The following KLF6 variants were observed in gnomAD, a reference collection of about 807,000 sequenced individuals.
KLF6 encodes Krueppel-like factor 6.
For synonymous variants in KLF6, 152 were observed against 147.9 expected, an observed-to-expected ratio of 1.03 and a Z score of -0.20; for missense variants, 233 against 359.8, an observed-to-expected ratio of 0.65 and a Z score of 2.85.
At chr10:3,784,152 G>A (rs1467019032) in intron 1 of KLF6, among the ~76,000 whole-genome samples, 1 of 152,258 alleles carries the variant, frequency 6.6e-6, no homozygotes, top group Non-Finnish European at 1.5e-5. Flanking sequence ...TGGGAGGAGT[G>A]TCAGTCTCTC....
chr10:3,784,050 T>C (rs148266884), intron 1 of KLF6, among the ~76,000 whole-genome samples: 1 of 152,312 alleles, frequency 6.6e-6, no homozygotes, highest in African/African-American at 2.4e-5. Context: ...CAGCCTCTAT[T>C]TGATCTGGCA....
Position 3,781,524 on chromosome 10 carries a change from T to C in KLF6, c.676+117A>G. On this transcript the variant is annotated intron_variant, in intron 2 of 3. Coordinates refer to ENST00000497571, the MANE Select transcript of KLF6 (RefSeq NM_001300.6). The surrounding 1 kb of genome is among the most constrained non-coding windows in gnomAD (Gnocchi z 5.8). ...CTTTGGTGGAAAACATCTGAGGAAG[T>C]GAGGATTTGTCTGCCCTGACCACAT... is the stretch of plus-strand genomic sequence containing the variant. The C allele has an allele frequency of 1.9e-6, 3 of 1,555,878 alleles. No homozygotes were observed. The highest frequency in any genetic ancestry group is 2.6e-6 in the Non-Finnish European group (3 of 1,149,622).
rs2131090397 is a variant in KLF6, at chr10:3,776,974, A to T, written c.*2565T>A. ...TTTTGCTTACCTTCTTGCTTAATGGAATTGTTATGGCTAAGCACATAGAAG... is the reference window on the plus strand; with the variant it reads ...TTTTGCTTACCTTCTTGCTTAATGGTATTGTTATGGCTAAGCACATAGAAG... On this transcript the variant is annotated 3_prime_UTR_variant, in exon 4 of 4. Coordinates refer to ENST00000497571, the MANE Select transcript of KLF6 (RefSeq NM_001300.6). 2.0e-6 allele frequency: 1 copy of T among 512,338 alleles called. No homozygotes were observed. The highest frequency in any genetic ancestry group is 1.6e-5 in the South Asian group (1 of 64,472). The allele number at this position is 512,338 out of a possible 1,614,324, so 31.7% of individuals were successfully genotyped here.
At position 3,777,908 on chromosome 10, in the gene KLF6, C is replaced by T. The variant is rs1406168206; in HGVS notation, c.*1631G>A. ...GAAACTTGTGCCTTTTAAGCAAATA[C>T]ATTAACATTGGGGGTTTTTTAATAC... On this transcript the variant is annotated 3_prime_UTR_variant, in exon 4 of 4. Transcript: ENST00000497571. 2.0e-6 allele frequency: 1 copy of T among 492,542 alleles called. No individual in the cohort carries two copies. The highest frequency in any genetic ancestry group is 4.0e-6 in the Non-Finnish European group (1 of 250,756). The allele number at this position is 492,542 out of a possible 1,614,324, so 30.5% of individuals were successfully genotyped here.
rs1564296185 is a variant in KLF6, at chr10:3,782,044, G to C, written c.273C>G (p.Ile91Met). Residue 91 changes from isoleucine to methionine, a missense_variant, in exon 2 of 4, where the codon ATC becomes ATG. Transcript: ENST00000497571. The surrounding 1 kb of genome is among the most constrained non-coding windows in gnomAD (Gnocchi z 4.3). ...ISSSPPEDTL[I>M]SPSFCYNLET... ...CTAAGTTGTAACAAAAGCTCGGGCT[G>C]ATGAGAGTGTCCTCTGGAGGACTGG... The C allele has an allele frequency of 6.2e-7, 1 of 1,614,222 alleles. No homozygotes were observed. Among genetic ancestry groups the C allele is most frequent in the East Asian group, 2.2e-5 (1 of 44,888 alleles).
In KLF6 at chr10:3,781,564, C is replaced by A. The variant is rs1832519271; in HGVS notation, c.676+77G>T. On this transcript the variant is annotated intron_variant, in intron 2 of 3. Transcript: ENST00000497571. This position sits in a 1 kb window ranked among gnomAD's most constrained non-coding sequence, Gnocchi z 5.8. ...CCTGACCACATCCTGTGCAGCCAGG[C>A]CCGGCTCCCTCCAGGGCTGGTGCAA... The A allele has an allele frequency of 6.3e-7, 1 of 1,584,290 alleles. No individual in the cohort carries two copies.
chr10:3,777,510 G>T lies in KLF6; in HGVS notation c.*2029C>A, dbSNP rs981253560. 1.2e-5 allele frequency: 6 copies of T among 512,800 alleles called. No homozygotes were observed. Among genetic ancestry groups the T allele is most frequent in the Non-Finnish European group, 1.9e-5 (5 of 262,746 alleles). The allele number at this position is 512,800 out of a possible 1,614,324, so 31.8% of individuals were successfully genotyped here. A position where few individuals can be genotyped will look rare whatever the true frequency, so the allele number is the denominator to read the frequency against. Reference sequence around the variant, plus strand: ...ATTCTGTTCAGGCCACTTCTGAACGGCCGAAGGTGCCCCATTCCAGACCTG... The same window carrying T: ...ATTCTGTTCAGGCCACTTCTGAACGTCCGAAGGTGCCCCATTCCAGACCTG... On this transcript the variant is annotated 3_prime_UTR_variant, in exon 4 of 4. Coordinates refer to ENST00000497571, the MANE Select transcript of KLF6 (RefSeq NM_001300.6).
chr10:3,779,275 T>C lies in KLF6; in HGVS notation c.*264A>G. ...CAACCATTAGCATTCTCAGTGTGCA[T>C]GCTCACGGCAAAGGCTTAGGCGCCG... On this transcript the variant is annotated 3_prime_UTR_variant, in exon 4 of 4. Transcript: ENST00000497571. The C allele has an allele frequency of 1.6e-6, 1 of 632,648 alleles. No individual in the cohort carries two copies. The highest frequency in any genetic ancestry group is 2.9e-6 in the Non-Finnish European group (1 of 340,974). The allele number at this position is 632,648 out of a possible 1,614,324, so 39.2% of individuals were successfully genotyped here.
chr10:3,780,738 A>G lies in KLF6; in HGVS notation c.677-509T>C. 4.8e-6 allele frequency: 1 copy of G among 207,162 alleles called. No individual in the cohort carries two copies. The highest frequency in any genetic ancestry group is 8.0e-5 in the South Asian group (1 of 12,568). 12.8% of individuals were successfully genotyped at this position (207,162 alleles called of 1,614,324 possible). The stretch of plus-strand genomic sequence containing the variant: ...ACAGGGCCCCGGAATCATTCTCTAA[A>G]TGGCAATTGAACAACTGGGTTCACT... On this transcript the variant is annotated intron_variant, in intron 2 of 3. Coordinates refer to ENST00000497571, the MANE Select transcript of KLF6 (RefSeq NM_001300.6). The surrounding 1 kb of genome is among the most constrained non-coding windows in gnomAD (Gnocchi z 4.6).
rs1233299273 is a variant in KLF6, at chr10:3,776,375, C to T, written c.*3164G>A. 5 of 532,102 alleles carry T rather than the reference C, an allele frequency of 9.4e-6. No homozygotes were observed. The highest frequency in any genetic ancestry group is 1.8e-5 in the Non-Finnish European group (5 of 275,056). The allele number at this position is 532,102 out of a possible 1,614,324, so 33.0% of individuals were successfully genotyped here. A position where few individuals can be genotyped will look rare whatever the true frequency, so the allele number is the denominator to read the frequency against. Reference sequence around the variant, plus strand: ...TTCAGGGAGGGCAATGTCAGGCTCGCTGACATCCTCTCCAGCTCCCAGGAC... The same window carrying T: ...TTCAGGGAGGGCAATGTCAGGCTCGTTGACATCCTCTCCAGCTCCCAGGAC... On this transcript the variant is annotated 3_prime_UTR_variant, in exon 4 of 4. Coordinates refer to ENST00000497571, the MANE Select transcript of KLF6 (RefSeq NM_001300.6).
Position 3,777,723 on chromosome 10 carries a change from C to A in KLF6, c.*1816G>T. On this transcript the variant is annotated 3_prime_UTR_variant, in exon 4 of 4. Transcript: ENST00000497571. Reference sequence around the variant, plus strand: ...TTTCTAGCTAAACATTCTAGTTTCTCCTTAAAAAAAATATTTATATATTAT... The same window carrying A: ...TTTCTAGCTAAACATTCTAGTTTCTACTTAAAAAAAATATTTATATATTAT... The A allele has an allele frequency of 2.8e-6, 1 of 354,914 alleles. No homozygotes were observed. Among genetic ancestry groups the A allele is most frequent in the South Asian group, 2.6e-5 (1 of 38,654 alleles). The allele number at this position is 354,914 out of a possible 1,614,324, so 22.0% of individuals were successfully genotyped here. A position where few individuals can be genotyped will look rare whatever the true frequency, so the allele number is the denominator to read the frequency against.
Position 3,784,971 on chromosome 10 carries a change from A to G in KLF6, c.44T>C (p.Ile15Thr). The G allele has an allele frequency of 1.2e-6, 2 of 1,608,122 alleles. No homozygotes were observed. Among genetic ancestry groups the G allele is most frequent in the Non-Finnish European group, 8.5e-7 (1 of 1,176,154 alleles). The change falls in exon 1 of 4, where the codon ATC becomes ACC. Residue 15 changes from isoleucine to threonine, a missense_variant. By Grantham distance (89) the Ile-to-Thr change is moderately conservative. Coordinates refer to ENST00000497571, the MANE Select transcript of KLF6 (RefSeq NM_001300.6). ...PMCSIFQELQ[I>T]VHETGYFSAL... ...CGAGAAGTAGCCGGTCTCGTGCACG[A>G]TCTGGAGCTCCTGGAAGATGCTGCA...
rs780547330 is a variant in KLF6 at position 3,784,953 on chromosome 10, T to C, written c.62A>G (p.Tyr21Cys). Reference protein sequence around the residue: ...QELQIVHETGYFSALPSLEEY... With the variant: ...QELQIVHETGCFSALPSLEEY... ...CTCCAGAGACGGCAGCGCCGAGAAG[T>C]AGCCGGTCTCGTGCACGATCTGGAG... is the stretch of plus-strand genomic sequence containing the variant. The change falls in exon 1 of 4, where the codon TAC becomes TGC. Residue 21 changes from tyrosine (Y) to cysteine (C), a missense_variant. Tyr to Cys is a radical substitution (Grantham distance 194, BLOSUM62 -2). Coordinates refer to ENST00000497571, the MANE Select transcript of KLF6 (RefSeq NM_001300.6). 1.2e-6 allele frequency: 2 copies of C among 1,603,940 alleles called. No individual in the cohort carries two copies. The highest frequency in any genetic ancestry group is 1.7e-6 in the Non-Finnish European group (2 of 1,173,848).
chr10:3,781,716 G>A lies in KLF6; in HGVS notation c.601C>T (p.Arg201Trp), dbSNP rs772132474. The change falls in exon 2 of 4, where the codon CGG becomes TGG. Residue 201 changes from arginine to tryptophan, a missense_variant. By Grantham distance (101) the Arg-to-Trp change is moderately radical. Transcript: ENST00000497571. The surrounding 1 kb of genome is among the most constrained non-coding windows in gnomAD (Gnocchi z 5.8). Reference sequence around the variant, plus strand: ...TTCCTGCAGCCGTTAAAGTGGCACCGGTGCACCCTCCTCCTGCCGTCGGGG... The same window carrying A: ...TTCCTGCAGCCGTTAAAGTGGCACCAGTGCACCCTCCTCCTGCCGTCGGGG... ...ASPDGRRRVH[R>W]CHFNGCRKVY... 3.1e-6 allele frequency: 5 copies of A among 1,614,050 alleles called. No homozygotes were observed. Among genetic ancestry groups the A allele is most frequent in the South Asian group, 1.1e-5 (1 of 91,090 alleles).
Position 3,779,524 on chromosome 10 carries a change from C to T in KLF6, c.*15G>A. On this transcript the variant is annotated 3_prime_UTR_variant, in exon 4 of 4. Transcript: ENST00000497571. ...TGGAAGCCTTTTAGCCTACAGGATC[C>T]ACCTCTCTGCTCCCTCAGAGGTGCC... 1 of 1,611,942 alleles carries T rather than the reference C, an allele frequency of 6.2e-7. No homozygotes were observed. Among genetic ancestry groups the T allele is most frequent in the Non-Finnish European group, 8.5e-7 (1 of 1,177,960 alleles).
Position 3,781,375 on chromosome 10 carries a change from T to G in KLF6, c.676+266A>C. On this transcript the variant is annotated intron_variant, in intron 2 of 3. Transcript: ENST00000497571. The surrounding 1 kb of genome is among the most constrained non-coding windows in gnomAD (Gnocchi z 5.8). ...ACTACTAAGGGGTGGGGGGTGGAGG[T>G]TTGGGTGTCCGTGGAGAAAAGGATC... 6 of 1,442,300 alleles carry G rather than the reference T, an allele frequency of 4.2e-6. No individual in the cohort carries two copies. The highest frequency in any genetic ancestry group is 1.4e-5 in the South Asian group (1 of 70,024). The allele number at this position is 1,442,300 out of a possible 1,614,324, so 89.3% of individuals were successfully genotyped here.
rs761220891 is a variant in KLF6 at position 3,778,121 on chromosome 10, T to C, written c.*1418A>G. 3.9e-6 allele frequency: 2 copies of C among 517,308 alleles called. No individual in the cohort carries two copies. Among genetic ancestry groups the C allele is most frequent in the Non-Finnish European group, 3.8e-6 (1 of 265,584 alleles). 32.0% of individuals were successfully genotyped at this position (517,308 alleles called of 1,614,324 possible). On this transcript the variant is annotated 3_prime_UTR_variant, in exon 4 of 4. Transcript: ENST00000497571. ...CTAAAGTGTTGAACAAATACTGACA[T>C]GTAAAGGGAGTTTCACTCTATGTCT...
Position 3,777,541 on chromosome 10 carries a change from T to G in KLF6, c.*1998A>C, listed in dbSNP as rs565814544. On this transcript the variant is annotated 3_prime_UTR_variant, in exon 4 of 4. Transcript: ENST00000497571. The stretch of plus-strand genomic sequence containing the variant: ...GGTGCCCCATTCCAGACCTGCCCAT[T>G]TGATGGACAGAGCAGACAGCCCGGA... 2 of 511,406 alleles carry G rather than the reference T, an allele frequency of 3.9e-6. No homozygotes were observed. Among genetic ancestry groups the G allele is most frequent in the African/African-American group, 3.8e-5 (2 of 52,440 alleles). The allele number at this position is 511,406 out of a possible 1,614,324, so 31.7% of individuals were successfully genotyped here.
chr10:3,782,238 G>A lies in KLF6; in HGVS notation c.103-24C>T, dbSNP rs768168002. ...GTCTGTGCAAAATGAACCAGAGAAGGCACGTGATTGCCATGACGACCAAAA... is the reference window on the plus strand; with the variant it reads ...GTCTGTGCAAAATGAACCAGAGAAGACACGTGATTGCCATGACGACCAAAA... On this transcript the variant is annotated intron_variant, in intron 1 of 3. Transcript: ENST00000497571. This position sits in a 1 kb window ranked among gnomAD's most constrained non-coding sequence, Gnocchi z 4.3. 3.7e-5 allele frequency: 59 copies of A among 1,577,802 alleles called. No individual in the cohort carries two copies. The highest frequency in any genetic ancestry group is 5.0e-5 in the Non-Finnish European group (58 of 1,158,694).
Sources: gnomAD v4.1 joint callset for allele counts (sites outside exome capture counted in the v4.1 genomes callset) on GRCh38, gnomAD v4.1.1 for gene constraint, Gnocchi (gnomAD v3.1) non-coding constraint, MANE v1.5 for transcripts, NCBI Gene and HGNC (gene_info 2026-07-23, HGNC 2026-07-21) for gene names.